Variants in STX11 observed in about 807,000 individuals in gnomAD.
The protein encoded by STX11 is syntaxin-11.
Under a neutral mutation model 19.9 loss-of-function variants are expected in STX11, and 21 were observed. The observed-to-expected ratio is 1.06, with a 90% confidence interval of 0.75 to 1.52. The LOEUF (loss-of-function observed/expected upper bound fraction) is 1.52. STX11 is among the 40% of genes most tolerant of loss of function. The pLI, the probability that STX11 is intolerant of heterozygous loss-of-function variation, is 0.00. For missense variants in STX11, 438 were observed against 405.9 expected (o/e 1.08, Z -0.68); for synonymous variants, 193 against 174.4 (o/e 1.11, Z -0.84).
intron 1 of STX11, among the ~76,000 whole-genome samples, chr6:144,171,571 C>A (rs1312362797): frequency 6.6e-6 from 1 of 152,206 alleles, no homozygotes; most frequent in Non-Finnish European, 1.5e-5. Context: ...GACTGAAACT[C>A]AGCCAAGGTT....
At chr6:144,171,506 A>G (rs918952818) in intron 1 of STX11, among the ~76,000 whole-genome samples, 4 of 152,194 alleles carry the variant, frequency 2.6e-5, no homozygotes, top group African/African-American at 7.2e-5. Context: ...ATACACTTCA[A>G]ACTATCCACT....
At chr6:144,144,297 C>A in the STX11 span, among the ~76,000 whole-genome samples, 18,088 of 152,144 alleles carry the variant, frequency 0.12, 1,513 homozygotes, top group African/African-American at 0.23. Context: ...GCAACAGAAC[C>A]ACATGATCAC....
In STX11 at chr6:144,188,133, T is replaced by C. The variant is rs1802112441; in HGVS notation, c.*642T>C. 4.2e-6 allele frequency: 1 copy of C among 240,662 alleles called. No homozygotes were observed. The allele number at this position is 240,662 out of a possible 1,614,324, so 14.9% of individuals were successfully genotyped here. On this transcript the variant is annotated 3_prime_UTR_variant, in exon 2 of 2. Coordinates refer to ENST00000367568, the MANE Select transcript of STX11 (RefSeq NM_003764.4). ...TCTTTCACCAGGTTATATTTTGGTA[T>C]TATTTTTCCAAACATTTTTAAGCAC...
Position 144,187,401 on chromosome 6 carries a change from G to A in STX11, c.774G>A (p.Gln258=). 2 of 1,611,348 alleles carry A rather than the reference G, an allele frequency of 1.2e-6. No homozygotes were observed. The highest frequency in any genetic ancestry group is 1.7e-6 in the Non-Finnish European group (2 of 1,179,992). Residue 258 remains glutamine, a synonymous_variant, in exon 2 of 2, where the codon CAG becomes CAA. Transcript: ENST00000367568. The surrounding 1 kb of genome is among the most constrained non-coding windows in gnomAD (Gnocchi z 5.6). ...AAAAGACGGTCGACTACACCGGCCAGGCCAAGGCGCAGGTGCGGAAGGCCG... is the reference window on the plus strand; with the variant it reads ...AAAAGACGGTCGACTACACCGGCCAAGCCAAGGCGCAGGTGCGGAAGGCCG... ...NVQKTVDYTG[Q]AKAQVRKAVQ...
In STX11 at chr6:144,190,128, T is replaced by TA. The variant is rs1226168789; in HGVS notation, c.*2638dup. Among the ~76,000 whole-genome samples the TA allele has an allele frequency of 6.6e-6, 1 of 152,224 alleles. No homozygotes were observed. Among genetic ancestry groups the TA allele is most frequent in the East Asian group, 1.9e-4 (1 of 5,206 alleles). ...TGCACCAAAAGAATGAGTGAACTGTTACCTATAGGGAAAGAACACTTCTTC... is the reference window on the plus strand; with the variant it reads ...TGCACCAAAAGAATGAGTGAACTGTTAACCTATAGGGAAAGAACACTTCTTC... On this transcript the variant is annotated 3_prime_UTR_variant, in exon 2 of 2. Coordinates refer to ENST00000367568, the MANE Select transcript of STX11 (RefSeq NM_003764.4).
Position 144,186,993 on chromosome 6 carries a change from G to C in STX11, c.366G>C (p.Ser122=), listed in dbSNP as rs747360299. Residue 122 remains serine, a synonymous_variant, in exon 2 of 2, where the codon TCG becomes TCC. Transcript: ENST00000367568. ...EAAEAQHGPH[S]AVARISRAQY... is the part of the protein sequence containing the mutation. ...CTGAGGCCCAGCACGGCCCGCACTC[G>C]GCAGTGGCGCGCATTTCGCGGGCGC... The C allele has an allele frequency of 1.9e-6, 3 of 1,609,844 alleles. No homozygotes were observed. The highest frequency in any genetic ancestry group is 2.5e-6 in the Non-Finnish European group (3 of 1,179,626).
chr6:144,181,014 C>T (rs532527745), intron 1 of STX11, among the ~76,000 whole-genome samples: 24 of 152,306 alleles, frequency 1.6e-4, no homozygotes, highest in African/African-American at 5.8e-4. Context: ...AATTTTCCAT[C>T]ATAAAATGAA....
the STX11 span, among the ~76,000 whole-genome samples, chr6:144,140,006 G>C: frequency 6.6e-6 from 1 of 151,440 alleles, no homozygotes; most frequent in East Asian, 1.9e-4. Context: ...GGCCATGTTA[G>C]ACCCTACCAA....
chr6:144,190,830 G>T lies in STX11; in HGVS notation c.*3339G>T, dbSNP rs574728330. On this transcript the variant is annotated 3_prime_UTR_variant, in exon 2 of 2. Coordinates refer to ENST00000367568, the MANE Select transcript of STX11 (RefSeq NM_003764.4). ...CTGACCTAAGAGAAGGCATCATTTGGCCCACTGCACGTCCTGGCCTATTCA... is the reference window on the plus strand; with the variant it reads ...CTGACCTAAGAGAAGGCATCATTTGTCCCACTGCACGTCCTGGCCTATTCA... Among the ~76,000 whole-genome samples, 1 of 152,260 alleles carries T rather than the reference G, an allele frequency of 6.6e-6. No homozygotes were observed. The highest frequency in any genetic ancestry group is 1.5e-5 in the Non-Finnish European group (1 of 68,018).
intron 1 of STX11, among the ~76,000 whole-genome samples, chr6:144,181,573 C>T (rs1038337415): frequency 6.4e-5 from 7 of 108,644 alleles, no homozygotes; most frequent in Non-Finnish European, 1.0e-4. Flanking sequence ...CCAGCCTGGG[C>T]AACAGAGCAA....
rs369179843 is a variant in STX11, at chr6:144,177,811, A to C, written c.-5-8812A>C. 6.6e-6 allele frequency among the ~76,000 whole-genome samples: 1 copy of C among 152,220 alleles called. No homozygotes were observed. The highest frequency in any genetic ancestry group is 2.4e-5 in the African/African-American group (1 of 41,458). On this transcript the variant is annotated intron_variant, in intron 1 of 1. Transcript: ENST00000367568. This position sits in a 1 kb window ranked among gnomAD's most constrained non-coding sequence, Gnocchi z 4.4. ...TCCTGCTGTGGCTTCTATGCACCTG[A>C]CTGTAAAATTTACATCTCCAAGTGT...
In STX11 at chr6:144,151,306, T is replaced by C; in HGVS notation, c.-6+603T>C. Reference sequence around the variant, plus strand: ...CCTGAGAGGGAATTCTGCCTTTTTCTAGACTCCGCTGACACCAGCTGAGAT... The same window carrying C: ...CCTGAGAGGGAATTCTGCCTTTTTCCAGACTCCGCTGACACCAGCTGAGAT... On this transcript the variant is annotated intron_variant, in intron 1 of 1. Transcript: ENST00000367568. This position sits in a 1 kb window ranked among gnomAD's most constrained non-coding sequence, Gnocchi z 4.6. The C allele has an allele frequency of 1.0e-6, 1 of 985,444 alleles. No individual in the cohort carries two copies. Among genetic ancestry groups the C allele is most frequent in the African/African-American group, 1.7e-5 (1 of 57,366 alleles). 61.0% of individuals were successfully genotyped at this position (985,444 alleles called of 1,614,324 possible).
At position 144,191,308 on chromosome 6, in the gene STX11, G is replaced by A. The variant is rs1192244343; in HGVS notation, c.*3817G>A. Reference sequence around the variant, plus strand: ...TAATATGAGTTAGAATTTTAAAAATGTCAGTCATTCAAAAATATTTGAACT... The same window carrying A: ...TAATATGAGTTAGAATTTTAAAAATATCAGTCATTCAAAAATATTTGAACT... On this transcript the variant is annotated 3_prime_UTR_variant, in exon 2 of 2. Transcript: ENST00000367568. Among the ~76,000 whole-genome samples, 1 of 148,566 alleles carries A rather than the reference G, an allele frequency of 6.7e-6. No individual in the cohort carries two copies. The highest frequency in any genetic ancestry group is 2.5e-5 in the African/African-American group (1 of 39,960).
upstream of STX11, among the ~76,000 whole-genome samples, chr6:144,147,955 A>G (rs1800906851): frequency 6.6e-6 from 1 of 152,178 alleles, no homozygotes. The surrounding 1 kb of genome is among the most constrained non-coding windows in gnomAD (Gnocchi z 4.2). Flanking sequence ...CACACCCAGG[A>G]TAATGTTTTA....
chr6:144,150,469 C>T, upstream of STX11: 1 of 982,950 alleles, frequency 1.0e-6, no homozygotes, highest in Non-Finnish European at 1.2e-6. Flanking sequence ...GGCCTGGTCC[C>T]CAGCTGTGGT....
intron 1 of STX11, among the ~76,000 whole-genome samples, chr6:144,185,738 A>G (rs944823981): frequency 6.6e-6 from 1 of 152,230 alleles, no homozygotes; most frequent in African/African-American, 2.4e-5. Context: ...GTTATTTACG[A>G]TGCTTATCAT....
chr6:144,142,701 G>A, the STX11 span, among the ~76,000 whole-genome samples: 1 of 152,196 alleles, frequency 6.6e-6, no homozygotes, highest in African/African-American at 2.4e-5. Flanking sequence ...GGGAGGTAGA[G>A]AGTGGAATGA....
In STX11 at chr6:144,190,131, C is replaced by T. The variant is rs1802179090; in HGVS notation, c.*2640C>T. Among the ~76,000 whole-genome samples the T allele has an allele frequency of 6.6e-6, 1 of 152,162 alleles. No homozygotes were observed. The highest frequency in any genetic ancestry group is 2.1e-4 in the South Asian group (1 of 4,830). ...ACCAAAAGAATGAGTGAACTGTTAC[C>T]TATAGGGAAAGAACACTTCTTCTTC... On this transcript the variant is annotated 3_prime_UTR_variant, in exon 2 of 2. Transcript: ENST00000367568.
rs1297755322 is a variant in STX11 at position 144,184,592 on chromosome 6, C to T, written c.-5-2031C>T. On this transcript the variant is annotated intron_variant, in intron 1 of 1. Coordinates refer to ENST00000367568, the MANE Select transcript of STX11 (RefSeq NM_003764.4). The surrounding 1 kb of genome is among the most constrained non-coding windows in gnomAD (Gnocchi z 6.5). ...TACTTTTGCTAAAGATTATTTAGTGCATTGGTTAAGTGGTGCTATTCTAAC... is the reference window on the plus strand; with the variant it reads ...TACTTTTGCTAAAGATTATTTAGTGTATTGGTTAAGTGGTGCTATTCTAAC... 1.3e-5 allele frequency among the ~76,000 whole-genome samples: 2 copies of T among 152,128 alleles called. No homozygotes were observed. Among genetic ancestry groups the T allele is most frequent in the Non-Finnish European group, 2.9e-5 (2 of 68,012 alleles).
Sources: allele counts gnomAD v4.1 joint callset (sites outside exome capture counted in the v4.1 genomes callset), GRCh38; gene constraint gnomAD v4.1.1; non-coding constraint Gnocchi (gnomAD v3.1); transcripts MANE v1.5; gene names NCBI Gene and HGNC (gene_info 2026-07-23, HGNC 2026-07-21).